EEPD1: variants seen among roughly 807,000 people sequenced by gnomAD.
EEPD1 encodes endonuclease/exonuclease/phosphatase family domain-containing protein 1.
EEPD1 carries 17 observed loss-of-function variants against 46.3 expected under a neutral mutation model. The ratio of observed to expected loss-of-function variants is 0.37; its 90% CI spans 0.25 to 0.55. EEPD1 has a LOEUF of 0.55. Among genes scored for constraint, EEPD1 ranks in the 20% least tolerant of loss-of-function variants. The pLI is 0.83. For missense variants in EEPD1, 673 were observed against 745.6 expected (o/e 0.90, Z 1.13); for synonymous variants, 313 against 315.6 (o/e 0.99, Z 0.09).
Position 36,160,678 on chromosome 7 carries a change from G to GGGGGT in EEPD1, c.878+5480_878+5481insTGGGG, listed in dbSNP as rs1554308589. ...ATAGTCTGACTGCTGGGAGGTGGTG[G>GGGGGT]GGGGCGGGGCGTGCATGGAGAGGGT... On this transcript the variant is annotated intron_variant, in intron 2 of 7. Transcript: ENST00000242108. Among the ~76,000 whole-genome samples, 152 of 145,330 alleles carry GGGGGT rather than the reference G, an allele frequency of 1.0e-3. 6 individuals are homozygous for GGGGGT. The highest frequency in any genetic ancestry group is 1.4e-3 in the Non-Finnish European group (90 of 65,592).
chr7:36,211,011 G>A (rs902328440), intron 2 of EEPD1, among the ~76,000 whole-genome samples: 3 of 152,170 alleles, frequency 2.0e-5, no homozygotes, highest in Non-Finnish European at 2.9e-5. Flanking sequence ...TATGTAATGG[G>A]AATAACAGTG....
At chr7:36,274,200 C>CAG (rs1562709510) in intron 3 of EEPD1, among the ~76,000 whole-genome samples, 1 of 152,228 alleles carries the variant, frequency 6.6e-6, no homozygotes. Context: ...CTCTCTCATA[C>CAG]AGACTGAGGG....
At chr7:36,266,742 C>G (rs891069012) in intron 3 of EEPD1, among the ~76,000 whole-genome samples, 2 of 152,186 alleles carry the variant, frequency 1.3e-5, no homozygotes, top group Non-Finnish European at 2.9e-5. Context: ...CCCTTCCCCT[C>G]TTGCCCAGCC....
At chr7:36,218,184 G>A (rs72622358) in intron 2 of EEPD1, among the ~76,000 whole-genome samples, 17,199 of 152,064 alleles carry the variant, frequency 0.11, 1,025 homozygotes, top group East Asian at 0.21. Flanking sequence ...AAGTGCACGA[G>A]GGGGGCTCAT....
chr7:36,284,914 C>G, intron 5 of EEPD1, 94 bp downstream of exon 5: 2 of 1,379,084 alleles, frequency 1.5e-6, no homozygotes, highest in African/African-American at 3.0e-5. Context: ...TAAGAGAAGT[C>G]TCGTCTTTTT....
chr7:36,256,595 T>C (rs1236982109), intron 3 of EEPD1, among the ~76,000 whole-genome samples: 1 of 152,252 alleles, frequency 6.6e-6, no homozygotes, highest in African/African-American at 2.4e-5. Flanking sequence ...TTGTCTTTTT[T>C]GATCTTTGTT....
intron 3 of EEPD1, among the ~76,000 whole-genome samples, chr7:36,272,009 G>A (rs112439708): frequency 0.017 from 2,519 of 151,778 alleles, 89 homozygotes; most frequent in African/African-American, 0.058. Context: ...AGCCTCCCAC[G>A]TAGCTGGGAT....
intron 3 of EEPD1, among the ~76,000 whole-genome samples, chr7:36,264,494 G>T (rs1279969374): frequency 6.6e-6 from 1 of 152,214 alleles, no homozygotes; most frequent in Admixed American, 6.5e-5. Context: ...GGCACAGGGT[G>T]AGCATTCTAG....
intron 6 of EEPD1, among the ~76,000 whole-genome samples, chr7:36,295,100 C>A (rs1447547653): frequency 6.6e-6 from 1 of 151,892 alleles, no homozygotes; most frequent in African/African-American, 2.4e-5. Context: ...ATTGCTTGAA[C>A]CCGAGAGGCA....
chr7:36,298,613 TA>T (rs1407384669), intron 7 of EEPD1, among the ~76,000 whole-genome samples: 1 of 152,162 alleles, frequency 6.6e-6, no homozygotes, highest in Non-Finnish European at 1.5e-5. Context: ...CTAACCCCCT[TA>T]GTGTCTTTTG....
intron 2 of EEPD1, among the ~76,000 whole-genome samples, chr7:36,224,834 G>GAA (rs57802486): frequency 6.8e-6 from 1 of 146,308 alleles, no homozygotes; most frequent in Non-Finnish European, 1.5e-5. Flanking sequence ...ACCTCACATG[G>GAA]AAAAAAAAAA....
chr7:36,268,711 G>A (rs1787060229), intron 3 of EEPD1, among the ~76,000 whole-genome samples: 2 of 152,200 alleles, frequency 1.3e-5, no homozygotes, highest in South Asian at 4.1e-4. Flanking sequence ...GTCTAGGCCT[G>A]AGGGAGCAGC....
rs202090314 is a variant in EEPD1, at chr7:36,287,735, C to T, written c.1273C>T (p.Arg425Trp). The stretch of plus-strand genomic sequence containing the variant: ...CAGCAAGAATCACAGTGATGGCCAC[C>T]GGTTGGCGAGCTTTGCACAGACCCT... ...NPSKNHSDGH[R>W]LASFAQTLQE... Residue 425 changes from arginine to tryptophan, a missense_variant, in exon 6 of 8, where the codon CGG (arginine) becomes TGG (tryptophan). Transcript: ENST00000242108. The T allele has an allele frequency of 2.4e-4, 393 of 1,614,038 alleles. No individual in the cohort carries two copies. Among genetic ancestry groups the T allele is most frequent in the Middle Eastern group, 4.9e-4 (3 of 6,084 alleles).
At chr7:36,268,290 T>C (rs974660113) in intron 3 of EEPD1, among the ~76,000 whole-genome samples, 60 of 152,118 alleles carry the variant, frequency 3.9e-4, no homozygotes, top group African/African-American at 1.4e-3. Context: ...TAGCTGGGAT[T>C]ATAGGCATCC....
chr7:36,229,404 G>C (rs987780892), intron 2 of EEPD1: 3 of 152,232 alleles, frequency 2.0e-5, no homozygotes, highest in Non-Finnish European at 2.9e-5. Flanking sequence ...AGGAAAGAGA[G>C]AGAAAGAGAA....
At chr7:36,200,632 G>T (rs1274545348) in intron 2 of EEPD1, among the ~76,000 whole-genome samples, 1 of 152,200 alleles carries the variant, frequency 6.6e-6, no homozygotes, top group South Asian at 2.1e-4. Context: ...TTGTCCTTCA[G>T]AACATTCCTT....
intron 6 of EEPD1, among the ~76,000 whole-genome samples, chr7:36,296,536 A>G (rs1787526544): frequency 6.6e-6 from 1 of 151,868 alleles, no homozygotes; most frequent in Admixed American, 6.6e-5. Flanking sequence ...TGGTTTCAGT[A>G]TGTGTGTTTG....
chr7:36,239,115 A>T, intron 3 of EEPD1, 79 bp downstream of exon 3: 2 of 1,363,642 alleles, frequency 1.5e-6, no homozygotes, highest in Non-Finnish European at 1.0e-6. Context: ...ACTCCCTGTC[A>T]CCAGAGACAG....
intron 2 of EEPD1, among the ~76,000 whole-genome samples, chr7:36,177,914 A>G (rs925152871): frequency 4.6e-5 from 7 of 152,220 alleles, no homozygotes; most frequent in African/African-American, 1.4e-4. Flanking sequence ...GAGTTTCACC[A>G]TGTTGGTCAG....
Sources: allele counts gnomAD v4.1 joint callset (sites outside exome capture counted in the v4.1 genomes callset), GRCh38; gene constraint gnomAD v4.1.1; transcripts MANE v1.5; gene names NCBI Gene and HGNC (gene_info 2026-07-23, HGNC 2026-07-21).